The following SHROOM3 variants were observed in gnomAD, a reference collection of about 807,000 sequenced individuals.
SHROOM3 encodes protein Shroom3.
In SHROOM3, 47 loss-of-function variants were observed where a neutral mutation model predicts 138.6. The observed-to-expected ratio is 0.34, with a 90% CI of 0.27 to 0.43. The LOEUF (loss-of-function observed/expected upper bound fraction) is 0.43. Among genes scored for constraint, SHROOM3 ranks in the 20% least tolerant of loss-of-function variants. The probability of loss-of-function intolerance (pLI) is 1.00; values close to 1 mark genes in which losing one functional copy is unlikely to be tolerated. For synonymous variants in SHROOM3, 1,062 were observed against 1,063.3 expected (o/e 1.00, Z 0.02); for missense variants, 2,491 against 2,596.5 (o/e 0.96, Z 0.88).
intron 6 of SHROOM3, 72 bp downstream of exon 6, chr4:76,749,162 A>G: frequency 7.1e-6 from 10 of 1,404,028 alleles, no homozygotes; most frequent in Non-Finnish European, 9.1e-6. Context: ...GTTCCTTTCT[A>G]CAAGAAATTG....
At chr4:76,735,792 AT>A (rs1399921852) in intron 4 of SHROOM3, among the ~76,000 whole-genome samples, 1 of 139,238 alleles carries the variant, frequency 7.2e-6, no homozygotes, top group Non-Finnish European at 1.5e-5. Context: ...GTGAGCCGAG[AT>A]TGCGCCACTG....
chr4:76,478,076 C>A (rs548484151), intron 1 of SHROOM3, among the ~76,000 whole-genome samples: 1 of 152,270 alleles, frequency 6.6e-6, no homozygotes, highest in Admixed American at 6.5e-5. Flanking sequence ...GAGCTAGCTA[C>A]AGGAGTTTAT....
intron 1 of SHROOM3, among the ~76,000 whole-genome samples, chr4:76,437,040 G>A (rs1338608863): frequency 6.6e-6 from 1 of 152,146 alleles, no homozygotes; most frequent in African/African-American, 2.4e-5. Flanking sequence ...TAATTTGAGG[G>A]TGGGAAGAAG....
intron 2 of SHROOM3, among the ~76,000 whole-genome samples, chr4:76,681,594 G>GGGGGGTGTGTGTGTGTGTGTGTGTGTGT (rs1553936165): frequency 1.2e-5 from 1 of 81,022 alleles, no homozygotes; most frequent in African/African-American, 5.7e-5. Context: ...CAGAGTCTAG[G>GGGGGGTGTGTGTGTGTGTGTGTGTGTGT]GTGTGTGTGT....
intron 2 of SHROOM3, among the ~76,000 whole-genome samples, chr4:76,689,264 T>C (rs1322171564): frequency 1.3e-5 from 2 of 151,662 alleles, no homozygotes; most frequent in Non-Finnish European, 2.9e-5. Flanking sequence ...TTTCAAACCT[T>C]AGGGAGCCTT....
chr4:76,586,896 A>G (rs1437859062), intron 2 of SHROOM3: 2 of 152,208 alleles, frequency 1.3e-5, no homozygotes, highest in East Asian at 3.8e-4. Flanking sequence ...TTATTTTTAA[A>G]GCTATCTTTA....
chr4:76,616,615 AC>A (rs1460020476), intron 2 of SHROOM3, among the ~76,000 whole-genome samples: 2 of 152,224 alleles, frequency 1.3e-5, no homozygotes, highest in Non-Finnish European at 2.9e-5. Flanking sequence ...TATCTGAGGT[AC>A]CTAGAGTAGT....
Position 76,511,563 on chromosome 4 carries a change from A to C in SHROOM3, c.169-44046A>C, listed in dbSNP as rs149927487. ...TTGGAAAAATACCCTTCAAGTTTTC[A>C]CCTGTGATGAGCAGGGGTCTTGCTG... On this transcript the variant is annotated intron_variant, in intron 1 of 10. Transcript: ENST00000296043. 1.6e-4 allele frequency among the ~76,000 whole-genome samples: 25 copies of C among 152,220 alleles called. No individual in the cohort carries two copies. The East Asian group carries it at 4.8e-3, about 29-fold the overall frequency.
At chr4:76,442,469 G>A (rs978461588) in intron 1 of SHROOM3, among the ~76,000 whole-genome samples, 1 of 149,350 alleles carries the variant, frequency 6.7e-6, no homozygotes, top group African/African-American at 2.5e-5. Flanking sequence ...GAGTGCAGTG[G>A]TGCGATCTCG....
chr4:76,608,988 T>G (rs1230447218), intron 2 of SHROOM3, among the ~76,000 whole-genome samples: 1 of 151,968 alleles, frequency 6.6e-6, no homozygotes, highest in East Asian at 1.9e-4. Context: ...GAAATGCAAA[T>G]CTCAGGTCCC....
chr4:76,478,619 C>T (rs1357211985), intron 1 of SHROOM3, among the ~76,000 whole-genome samples: 3 of 152,178 alleles, frequency 2.0e-5, no homozygotes, highest in East Asian at 1.9e-4. Flanking sequence ...GCACGGTGCT[C>T]GAGCTATGCT....
At chr4:76,705,905 G>A (rs781083081) in intron 2 of SHROOM3, among the ~76,000 whole-genome samples, 1 of 152,074 alleles carries the variant, frequency 6.6e-6, no homozygotes, top group Non-Finnish European at 1.5e-5. Context: ...CAGTACAGTC[G>A]ACCCTTGAAC....
chr4:76,703,621 T>C (rs1438241576), intron 2 of SHROOM3, among the ~76,000 whole-genome samples: 2 of 152,114 alleles, frequency 1.3e-5, no homozygotes. Flanking sequence ...CTGAGAAACC[T>C]ACAACTATGG....
intron 2 of SHROOM3, 35 bp from the exon 3 acceptor site, chr4:76,710,121 T>C: frequency 6.2e-7 from 1 of 1,613,374 alleles, no homozygotes; most frequent in Non-Finnish European, 8.5e-7. Flanking sequence ...ATGAACACCA[T>C]CATGCTCAGC....
At chr4:76,748,522 A>C (rs963679441) in intron 5 of SHROOM3, among the ~76,000 whole-genome samples, 1 of 152,130 alleles carries the variant, frequency 6.6e-6, no homozygotes, top group Non-Finnish European at 1.5e-5. Flanking sequence ...TTTTTCCTAG[A>C]ATTTATTGCA....
chr4:76,444,233 T>C (rs1395722421), intron 1 of SHROOM3, among the ~76,000 whole-genome samples: 1 of 151,654 alleles, frequency 6.6e-6, no homozygotes, highest in African/African-American at 2.4e-5. Flanking sequence ...TATTTTTGAA[T>C]GCTCTTTGGT....
chr4:76,694,680 A>T (rs186212190), intron 2 of SHROOM3, among the ~76,000 whole-genome samples: 2 of 152,268 alleles, frequency 1.3e-5, no homozygotes, highest in Admixed American at 1.3e-4. Context: ...ACCTTAAGAG[A>T]GGTATTAATA....
chr4:76,450,689 T>C (rs1028317535), intron 1 of SHROOM3, among the ~76,000 whole-genome samples: 2 of 152,160 alleles, frequency 1.3e-5, no homozygotes, highest in African/African-American at 2.4e-5. Flanking sequence ...AGAAAGTAGA[T>C]GAAAGATTGC....
chr4:76,705,856 T>G (rs1460191421), intron 2 of SHROOM3, among the ~76,000 whole-genome samples: 2 of 152,042 alleles, frequency 1.3e-5, no homozygotes, highest in African/African-American at 2.4e-5. Flanking sequence ...TAAAAGGATA[T>G]AGGAGGGAAG....
Sources: allele counts gnomAD v4.1 joint callset (sites outside exome capture counted in the v4.1 genomes callset), GRCh38; gene constraint gnomAD v4.1.1; transcripts MANE v1.5; gene names NCBI Gene and HGNC (gene_info 2026-07-23, HGNC 2026-07-21).